IPO11: variants seen among roughly 807,000 people sequenced by gnomAD.
IPO11 encodes importin 11, also known as importin-11.
In IPO11, 66 loss-of-function variants were observed where a neutral mutation model predicts 143.2. That is an observed-to-expected ratio of 0.46 (90% CI 0.38 to 0.57). IPO11 has a LOEUF of 0.57. IPO11 is among the 20% of genes least tolerant of loss of function. The probability of loss-of-function intolerance (pLI) is 0.00; values close to 1 mark genes in which losing one functional copy is unlikely to be tolerated. For synonymous variants in IPO11, 385 were observed against 377.8 expected (o/e 1.02, Z -0.22); for missense variants, 1,026 against 1,141.0 (o/e 0.90, Z 1.45).
chr5:62,426,942 T>TG (rs1743769086), intron 1 of IPO11, among the ~76,000 whole-genome samples: 3 of 141,704 alleles, frequency 2.1e-5, no homozygotes, highest in African/African-American at 7.7e-5. Context: ...TTTTTTTTTT[T>TG]TTTTTTTTTT....
chr5:62,481,946 G>A (rs1190872834), intron 9 of IPO11, among the ~76,000 whole-genome samples: 1 of 152,096 alleles, frequency 6.6e-6, no homozygotes, highest in African/African-American at 2.4e-5. Flanking sequence ...GTAAGCTATT[G>A]ATTATTGCCT....
intron 24 of IPO11, among the ~76,000 whole-genome samples, chr5:62,539,240 A>G (rs1345545039): frequency 6.6e-6 from 1 of 152,120 alleles, no homozygotes; most frequent in Non-Finnish European, 1.5e-5. Flanking sequence ...TAGGGGGAGA[A>G]TCTGTTCCAA....
At chr5:62,484,379 G>T (rs1746319822) in intron 11 of IPO11, among the ~76,000 whole-genome samples, 1 of 152,056 alleles carries the variant, frequency 6.6e-6, no homozygotes, top group South Asian at 2.1e-4. Context: ...TTTTGTCCAG[G>T]AAAAGACCTT....
chr5:62,598,422 TTC>T, intron 28 of IPO11, among the ~76,000 whole-genome samples: 2 of 8,658 alleles, frequency 2.3e-4, no homozygotes, highest in East Asian at 6.0e-3. Context: ...CTTTCTTTCT[TTC>T]TTTCTTTCTC....
At chr5:62,530,347 A>G (rs1220618303) in intron 21 of IPO11, among the ~76,000 whole-genome samples, 1 of 152,194 alleles carries the variant, frequency 6.6e-6, no homozygotes, top group Admixed American at 6.6e-5. Flanking sequence ...GTGTATGTGA[A>G]AAGTCAGCCC....
chr5:62,535,298 G>A (rs981448531), intron 22 of IPO11, among the ~76,000 whole-genome samples: 6 of 151,616 alleles, frequency 4.0e-5, no homozygotes, highest in African/African-American at 7.3e-5. Context: ...TCCCTGATAC[G>A]TCTGGAATGA....
At position 62,598,399 on chromosome 5, in the gene IPO11, T is replaced by C. The variant is rs13184912; in HGVS notation, c.2679-3365T>C. 1.7e-3 allele frequency among the ~76,000 whole-genome samples: 18 copies of C among 10,796 alleles called. 1 individual carries two copies. The highest frequency in any genetic ancestry group is 3.3e-3 in the Admixed American group (3 of 898). The allele number at this position is 10,796 out of a possible 152,430, so 7.1% of individuals were successfully genotyped here. On this transcript the variant is annotated intron_variant, in intron 28 of 29. Coordinates refer to ENST00000325324, the MANE Select transcript of IPO11 (RefSeq NM_016338.5). ...TGTTTGCTTGCTTGCTTGCTTTCTT[T>C]CTTTCTTTCTTTCTTTCTTTCTTTC...
At chr5:62,570,655 G>C (rs1290638402) in intron 27 of IPO11, among the ~76,000 whole-genome samples, 1 of 152,172 alleles carries the variant, frequency 6.6e-6, no homozygotes, top group African/African-American at 2.4e-5. Context: ...GACTATTTAG[G>C]AAAGTTTCTG....
At chr5:62,598,371 A>G (rs1745303555) in intron 28 of IPO11, among the ~76,000 whole-genome samples, 1 of 146,472 alleles carries the variant, frequency 6.8e-6, no homozygotes, top group Non-Finnish European at 1.5e-5. Flanking sequence ...ACGACCCATA[A>G]ATTGTTTGCT....
At chr5:62,488,927 C>T (rs1746508741) in intron 13 of IPO11, among the ~76,000 whole-genome samples, 1 of 152,118 alleles carries the variant, frequency 6.6e-6, no homozygotes, top group Admixed American at 6.6e-5. Context: ...CATTTGAGCG[C>T]AGGAGGATGA....
At chr5:62,420,122 C>T (rs573564901) in intron 1 of IPO11, among the ~76,000 whole-genome samples, 4 of 151,606 alleles carry the variant, frequency 2.6e-5, no homozygotes, top group Non-Finnish European at 5.9e-5. Context: ...TACCCTGTTT[C>T]TACTAAAAAA....
At chr5:62,508,345 G>C (rs1052524114) in intron 19 of IPO11, among the ~76,000 whole-genome samples, 1 of 139,430 alleles carries the variant, frequency 7.2e-6, no homozygotes, top group Non-Finnish European at 1.5e-5. Context: ...ATGTGGTTTC[G>C]CCATTTTGGC....
intron 1 of IPO11, among the ~76,000 whole-genome samples, chr5:62,416,313 G>T (rs1373477579): frequency 1.3e-5 from 2 of 151,446 alleles, no homozygotes; most frequent in Non-Finnish European, 2.9e-5. Flanking sequence ...CTCCTGAGTA[G>T]TTGGGATTAC....
chr5:62,542,324 TA>T (rs1480958635), intron 24 of IPO11, among the ~76,000 whole-genome samples: 1 of 152,154 alleles, frequency 6.6e-6, no homozygotes, highest in African/African-American at 2.4e-5. Flanking sequence ...ATATGTTCAT[TA>T]TGAATAAATT....
At chr5:62,579,329 G>A (rs1744449564) in intron 27 of IPO11, 4 of 947,494 alleles carry the variant, frequency 4.2e-6, no homozygotes, top group Non-Finnish European at 6.6e-6. Flanking sequence ...GAATACAGAA[G>A]TTATAGTATT....
chr5:62,615,981 T>C (rs1746115503), intron 29 of IPO11, among the ~76,000 whole-genome samples: 1 of 143,714 alleles, frequency 7.0e-6, no homozygotes, highest in Admixed American at 7.8e-5. Flanking sequence ...TGATCAAAGA[T>C]AGGTACATTT....
intron 19 of IPO11, among the ~76,000 whole-genome samples, chr5:62,514,539 G>A (rs370593229): frequency 1.3e-5 from 2 of 150,642 alleles, no homozygotes; most frequent in Admixed American, 6.6e-5. Context: ...CGAGATGGCA[G>A]CAGTACAGTC....
At chr5:62,437,087 A>C (rs1357508960) in intron 1 of IPO11, among the ~76,000 whole-genome samples, 187 bp from the exon 2 acceptor site, 1 of 152,218 alleles carries the variant, frequency 6.6e-6, no homozygotes, top group Non-Finnish European at 1.5e-5. Context: ...TTTAAGCAAA[A>C]ATAATTTGAT....
At chr5:62,483,754 C>T (rs1343647374) in intron 10 of IPO11, among the ~76,000 whole-genome samples, 1 of 152,024 alleles carries the variant, frequency 6.6e-6, no homozygotes, top group African/African-American at 2.4e-5. Flanking sequence ...ACACCCTCTA[C>T]ATTATGAGGA....
Sources: allele counts gnomAD v4.1 joint callset (sites outside exome capture counted in the v4.1 genomes callset), GRCh38; gene constraint gnomAD v4.1.1; transcripts MANE v1.5; gene names NCBI Gene and HGNC (gene_info 2026-07-23, HGNC 2026-07-21).